Variants in PTPN13 observed in about 807,000 individuals in gnomAD.
The protein encoded by PTPN13 is tyrosine-protein phosphatase non-receptor type 13.
PTPN13 carries 191 observed loss-of-function variants against 284.0 expected under a neutral mutation model. That is an observed-to-expected ratio of 0.67 (90% confidence interval 0.60 to 0.76). The LOEUF (loss-of-function observed/expected upper bound fraction) is 0.76. Among genes scored for constraint, PTPN13 ranks in the 30% least tolerant of loss-of-function variants. The probability of loss-of-function intolerance (pLI) is 0.00; values close to 1 mark genes in which losing one functional copy is unlikely to be tolerated. For synonymous variants in PTPN13, 986 were observed against 1,022.3 expected (o/e 0.96, Z 0.68); for missense variants, 2,797 against 2,939.9 (o/e 0.95, Z 1.12).
At chr4:86,759,397 G>A (rs1387000616) in intron 23 of PTPN13, among the ~76,000 whole-genome samples, 1 of 152,188 alleles carries the variant, frequency 6.6e-6, no homozygotes, top group African/African-American at 2.4e-5. Flanking sequence ...CAGTGGCTGA[G>A]AGACAAAGCA....
rs763768244 is a variant in PTPN13 at position 86,759,023 on chromosome 4, C to A, written c.3503C>A (p.Pro1168His). 6.2e-7 allele frequency: 1 copy of A among 1,613,646 alleles called. No individual in the cohort carries two copies. Among genetic ancestry groups the A allele is most frequent in the East Asian group, 2.2e-5 (1 of 44,864 alleles). The change falls in exon 23 of 48, where the codon CCT (proline) becomes CAT (histidine). Residue 1168 changes from proline to histidine, a missense_variant. Coordinates refer to ENST00000411767, the MANE Select transcript of PTPN13 (RefSeq NM_080683.3). The part of the protein sequence containing the change: ...HAAIEILQNA[P>H]EDVTLVISQP... ...GCAATTGAAATTTTGCAAAATGCACCTGAAGATGTGACACTTGTTATCTCT... is the reference window on the plus strand; with the variant it reads ...GCAATTGAAATTTTGCAAAATGCACATGAAGATGTGACACTTGTTATCTCT...
chr4:86,620,035 T>G (rs1721039120), intron 1 of PTPN13, among the ~76,000 whole-genome samples: 1 of 152,176 alleles, frequency 6.6e-6, no homozygotes, highest in Non-Finnish European at 1.5e-5. Context: ...GAACATAATA[T>G]TGACCTAAGA....
chr4:86,753,949 C>T (rs752662392), intron 20 of PTPN13, among the ~76,000 whole-genome samples: 2 of 151,892 alleles, frequency 1.3e-5, no homozygotes, highest in Non-Finnish European at 2.9e-5. Context: ...ATTCCTGTAG[C>T]CAGGGTAAAA....
At position 86,764,624 on chromosome 4, in the gene PTPN13, A is replaced by G. The variant is rs773578471; in HGVS notation, c.4049A>G (p.Lys1350Arg). The G allele has an allele frequency of 6.4e-7, 1 of 1,554,686 alleles. No homozygotes were observed. The highest frequency in any genetic ancestry group is 2.0e-5 in the Admixed American group (1 of 50,150). The change falls in exon 25 of 48, where the codon AAG becomes AGG. Residue 1350 changes from lysine (K) to arginine (R), a missense_variant. Physicochemically the swap from Lys to Arg is conservative, Grantham distance 26. Coordinates refer to ENST00000411767, the MANE Select transcript of PTPN13 (RefSeq NM_080683.3). ...TCCTCTTCAGTGAATACATCCAACA[A>G]GATGAATTTTAAAACTTTTTCTTCA... ...ESSSSVNTSN[K>R]MNFKTFSSSP...
At chr4:86,700,219 G>A (rs1731003199) in intron 6 of PTPN13, among the ~76,000 whole-genome samples, 1 of 151,996 alleles carries the variant, frequency 6.6e-6, no homozygotes, top group Non-Finnish European at 1.5e-5. Flanking sequence ...AAATTAACAA[G>A]CAATTTATTA....
intron 9 of PTPN13, among the ~76,000 whole-genome samples, chr4:86,720,138 G>A (rs1016534434): frequency 1.3e-5 from 2 of 152,144 alleles, no homozygotes; most frequent in Non-Finnish European, 2.9e-5. Flanking sequence ...AACTGAAATA[G>A]AGATAACACC....
chr4:86,786,686 A>T (rs1741954336), intron 40 of PTPN13, among the ~76,000 whole-genome samples: 1 of 152,196 alleles, frequency 6.6e-6, no homozygotes, highest in Non-Finnish European at 1.5e-5. Context: ...TTTTCTGAAC[A>T]TTTTAAGTCA....
chr4:86,800,545 G>A (rs1437381331), intron 42 of PTPN13, among the ~76,000 whole-genome samples: 2 of 151,970 alleles, frequency 1.3e-5, no homozygotes, highest in East Asian at 1.9e-4. Flanking sequence ...CCAGCTACTC[G>A]GGAGGCTGAG....
At chr4:86,700,436 A>G (rs1235513635) in intron 6 of PTPN13, among the ~76,000 whole-genome samples, 1 of 152,088 alleles carries the variant, frequency 6.6e-6, no homozygotes, top group Non-Finnish European at 1.5e-5. Flanking sequence ...CTGGATGGAC[A>G]TTTTTGGTGT....
intron 1 of PTPN13, among the ~76,000 whole-genome samples, chr4:86,612,009 C>G (rs927187996): frequency 6.6e-6 from 1 of 152,198 alleles, no homozygotes; most frequent in African/African-American, 2.4e-5. Context: ...GTATGAAGCA[C>G]TGGGTAGAGC....
rs1261007036 is a variant in PTPN13 at position 86,799,144 on chromosome 4, A to C, written c.6445A>C (p.Ile2149Leu). ...AGAAAAGAAGACTGATGATGATGAAATAACATGGGGAAATGATGAGTTGCC... is the reference window on the plus strand; with the variant it reads ...AGAAAAGAAGACTGATGATGATGAACTAACATGGGGAAATGATGAGTTGCC... ...PQEKKTDDDE[I>L]TWGNDELPIE... Residue 2149 changes from isoleucine (I) to leucine (L), a missense_variant, in exon 42 of 48, where the codon ATA (isoleucine) becomes CTA (leucine). Ile to Leu is a conservative substitution (Grantham distance 5, BLOSUM62 2). Coordinates refer to ENST00000411767, the MANE Select transcript of PTPN13 (RefSeq NM_080683.3). 1.3e-6 allele frequency: 2 copies of C among 1,596,208 alleles called. No individual in the cohort carries two copies. Among genetic ancestry groups the C allele is most frequent in the Non-Finnish European group, 8.5e-7 (1 of 1,172,290 alleles).
intron 28 of PTPN13, among the ~76,000 whole-genome samples, 156 bp downstream of exon 28, chr4:86,768,132 G>A (rs1739543006): frequency 6.6e-6 from 1 of 152,162 alleles, no homozygotes; most frequent in Admixed American, 6.5e-5. Flanking sequence ...ACTGAATAAA[G>A]ACAGAAACAT....
At chr4:86,602,637 T>C (rs1764398709) in intron 1 of PTPN13, among the ~76,000 whole-genome samples, 1 of 152,090 alleles carries the variant, frequency 6.6e-6, no homozygotes, top group African/African-American at 2.4e-5. Flanking sequence ...TTTACACACT[T>C]ACTAGAACTT....
At chr4:86,688,444 T>G (rs979062841) in intron 4 of PTPN13, among the ~76,000 whole-genome samples, 1 of 152,156 alleles carries the variant, frequency 6.6e-6, no homozygotes, top group African/African-American at 2.4e-5. Flanking sequence ...CTTTGGCCAT[T>G]CAGATATAAT....
chr4:86,783,120 T>C (rs1180034159), intron 37 of PTPN13, among the ~76,000 whole-genome samples: 1 of 152,170 alleles, frequency 6.6e-6, no homozygotes, highest in African/African-American at 2.4e-5. Context: ...AGGAGAAAAA[T>C]AATTTCATGA....
At chr4:86,715,435 T>C (rs1179327124) in intron 7 of PTPN13, among the ~76,000 whole-genome samples, 1 of 152,110 alleles carries the variant, frequency 6.6e-6, no homozygotes, top group Non-Finnish European at 1.5e-5. Context: ...CTGCTATAAA[T>C]GTAGTTGGGA....
intron 3 of PTPN13, among the ~76,000 whole-genome samples, chr4:86,679,323 TC>T (rs1313414174): frequency 6.6e-6 from 1 of 152,216 alleles, no homozygotes; most frequent in Non-Finnish European, 1.5e-5. Flanking sequence ...CATTATCTTA[TC>T]TTGTATACAG....
At chr4:86,646,194 ACAGTGGACTTCATCAGAATT>A (rs1724399824) in intron 2 of PTPN13, among the ~76,000 whole-genome samples, 1 of 152,008 alleles carries the variant, frequency 6.6e-6, no homozygotes, top group African/African-American at 2.4e-5. Context: ...AAAAAAAGAT[ACAGTGGACTTCATCAGAATT>A]AAAAACATCC....
Position 86,797,763 on chromosome 4 carries a change from C to CA in PTPN13, c.6401+841dup, listed in dbSNP as rs540851168. Among the ~76,000 whole-genome samples, 4 of 150,174 alleles carry CA rather than the reference C, an allele frequency of 2.7e-5. No homozygotes were observed. The South Asian group carries it at 8.4e-4, about 32-fold the overall frequency. ...TTAATTTTTAATGAGAAAATGAAAC[C>CA]AAAAAAAGTAAGAAACCCACAAAAT... On this transcript the variant is annotated intron_variant, in intron 41 of 47. Coordinates refer to ENST00000411767, the MANE Select transcript of PTPN13 (RefSeq NM_080683.3).
Sources: gnomAD v4.1 joint callset for allele counts (sites outside exome capture counted in the v4.1 genomes callset) on GRCh38, gnomAD v4.1.1 for gene constraint, MANE v1.5 for transcripts, NCBI Gene and HGNC (gene_info 2026-07-23, HGNC 2026-07-21) for gene names.